VAT1L: variants seen among roughly 807,000 people sequenced by gnomAD.
VAT1L encodes the protein vesicle amine transport 1 like.
Under a neutral mutation model 44.1 loss-of-function variants are expected in VAT1L, and 34 were observed. That is an observed-to-expected ratio of 0.77 (90% CI 0.59 to 1.03). VAT1L has a LOEUF of 1.03. VAT1L is among the 50% of genes least tolerant of loss of function. The probability of loss-of-function intolerance (pLI) is 0.00; values close to 1 mark genes in which losing one functional copy is unlikely to be tolerated. For synonymous variants in VAT1L, 253 were observed against 202.2 expected (o/e 1.25, Z -2.13); for missense variants, 615 against 538.8 (o/e 1.14, Z -1.40).
intron 1 of VAT1L, among the ~76,000 whole-genome samples, chr16:77,811,064 C>G (rs992787531): frequency 1.3e-5 from 2 of 152,166 alleles, no homozygotes; most frequent in African/African-American, 4.8e-5. Context: ...GCTCTATAAT[C>G]TGCATCAATA....
chr16:77,973,305 G>C (rs1402773015), intron 8 of VAT1L, among the ~76,000 whole-genome samples: 1 of 152,004 alleles, frequency 6.6e-6, no homozygotes, highest in East Asian at 1.9e-4. Flanking sequence ...CTTTTTTTGA[G>C]ATGGAGTCTC....
At chr16:77,877,306 C>T (rs991786048) in intron 5 of VAT1L, among the ~76,000 whole-genome samples, 1 of 151,806 alleles carries the variant, frequency 6.6e-6, no homozygotes, top group African/African-American at 2.4e-5. Context: ...GTCAGGAGAT[C>T]GAGACCATCC....
At chr16:77,848,374 A>G (rs1472269906) in intron 3 of VAT1L, among the ~76,000 whole-genome samples, 2 of 152,158 alleles carry the variant, frequency 1.3e-5, no homozygotes, top group Non-Finnish European at 2.9e-5. Flanking sequence ...AGGTCCTAAG[A>G]GTCTCCAGAG....
Position 77,788,773 on chromosome 16 carries a change from G to C in VAT1L, c.91G>C (p.Asp31His). 2 of 1,562,976 alleles carry C rather than the reference G, an allele frequency of 1.3e-6. No homozygotes were observed. Among genetic ancestry groups the C allele is most frequent in the Non-Finnish European group, 8.7e-7 (1 of 1,154,152 alleles). Residue 31 changes from aspartate to histidine, a missense_variant, in exon 1 of 9, where the codon GAC becomes CAC. Asp to His is a moderately conservative substitution (Grantham distance 81). Coordinates refer to ENST00000302536, the MANE Select transcript of VAT1L (RefSeq NM_020927.3). ...GKEPAEGGGG[D>H]GSHRLGDAQE... is the part of the protein sequence containing the mutation. ...GGAGCCGGCGGAGGGCGGCGGCGGC[G>C]ACGGCTCGCACCGCCTCGGGGACGC...
intron 3 of VAT1L, among the ~76,000 whole-genome samples, chr16:77,843,815 A>G (rs759280494): frequency 6.6e-6 from 1 of 152,186 alleles, no homozygotes; most frequent in Non-Finnish European, 1.5e-5. Flanking sequence ...CTCCCCAGCC[A>G]TGCGACCCCA....
rs1433503462 is a variant in VAT1L, at chr16:77,851,337, T to TA, written c.580-11410dup. On this transcript the variant is annotated intron_variant, in intron 3 of 8. Coordinates refer to ENST00000302536, the MANE Select transcript of VAT1L (RefSeq NM_020927.3). Reference sequence around the variant, plus strand: ...AACCGAAGACCATAACATGGAATGATACAGTCTTTAGAGTAAGAAGAGCAG... The same window carrying TA: ...AACCGAAGACCATAACATGGAATGATAACAGTCTTTAGAGTAAGAAGAGCAG... Among the ~76,000 whole-genome samples, 9 of 152,262 alleles carry TA rather than the reference T, an allele frequency of 5.9e-5. 1 individual carries two copies. Among genetic ancestry groups the TA allele is most frequent in the African/African-American group, 2.2e-4 (9 of 41,552 alleles).
chr16:77,945,798 T>C (rs1272037036), intron 7 of VAT1L, among the ~76,000 whole-genome samples: 2 of 30,026 alleles, frequency 6.7e-5, no homozygotes, highest in East Asian at 9.0e-4. Context: ...GTGGCTTGAC[T>C]TTTTTTTTTT....
At chr16:77,870,750 T>A (rs1395623366) in intron 4 of VAT1L, among the ~76,000 whole-genome samples, 3 of 152,232 alleles carry the variant, frequency 2.0e-5, no homozygotes, top group Non-Finnish European at 4.4e-5. Flanking sequence ...CCACACCTTC[T>A]TCGCTTTCAT....
chr16:77,835,963 T>C (rs1222768932), intron 3 of VAT1L, among the ~76,000 whole-genome samples: 1 of 152,020 alleles, frequency 6.6e-6, no homozygotes, highest in Non-Finnish European at 1.5e-5. Context: ...GAGTATGAGC[T>C]CTAAAGTCAG....
chr16:77,919,051 A>G (rs1442181833), intron 7 of VAT1L, among the ~76,000 whole-genome samples: 1 of 152,198 alleles, frequency 6.6e-6, no homozygotes, highest in Non-Finnish European at 1.5e-5. Flanking sequence ...GGCTGTGCCA[A>G]TAGGGGAGAG....
At chr16:77,874,065 T>A (rs2017061819) in intron 4 of VAT1L, among the ~76,000 whole-genome samples, 2 of 151,970 alleles carry the variant, frequency 1.3e-5, no homozygotes, top group South Asian at 4.2e-4. Context: ...TGGGAGAGAA[T>A]GTGGCCCGCC....
chr16:77,962,547 G>C (rs2018171800), intron 7 of VAT1L, among the ~76,000 whole-genome samples: 1 of 150,898 alleles, frequency 6.6e-6, no homozygotes. Context: ...TTATTAGGTG[G>C]CCTCGAGTAT....
chr16:77,799,561 T>C (rs1381169640), intron 1 of VAT1L, among the ~76,000 whole-genome samples: 1 of 136,446 alleles, frequency 7.3e-6, no homozygotes, highest in Non-Finnish European at 1.6e-5. Flanking sequence ...GTGTGTGGTG[T>C]GTATTGGGGG....
chr16:77,936,801 G>C (rs1463532861), intron 7 of VAT1L, among the ~76,000 whole-genome samples: 1 of 152,172 alleles, frequency 6.6e-6, no homozygotes, highest in Non-Finnish European at 1.5e-5. Context: ...GGGAGCAAGG[G>C]TTAGGGAGCA....
At chr16:77,819,780 C>G (rs1296101482) in intron 2 of VAT1L, among the ~76,000 whole-genome samples, 1 of 152,234 alleles carries the variant, frequency 6.6e-6, no homozygotes, top group African/African-American at 2.4e-5. Context: ...CCCCAGTTTC[C>G]TCCTTAGACA....
chr16:77,892,995 C>T (rs757301723), intron 7 of VAT1L: 44 of 653,714 alleles, frequency 6.7e-5, no homozygotes, highest in Admixed American at 1.9e-4. Context: ...CCCATTTGCT[C>T]GCAGTATCCT....
chr16:77,973,796 G>A (rs541983355), intron 8 of VAT1L, among the ~76,000 whole-genome samples: 1 of 151,686 alleles, frequency 6.6e-6, no homozygotes, highest in Non-Finnish European at 1.5e-5. Flanking sequence ...TGCGATCTTG[G>A]CTCACTGCAA....
At chr16:77,910,673 CAAAAAAAA>C (rs3038773) in intron 7 of VAT1L, among the ~76,000 whole-genome samples, 32 of 82,960 alleles carry the variant, frequency 3.9e-4, no homozygotes, top group African/African-American at 1.5e-3. Flanking sequence ...GACTCCTTCT[CAAAAAAAA>C]AAAAAAAAAA....
At position 77,976,892 on chromosome 16, in the gene VAT1L, T is replaced by C. The variant is rs181962243; in HGVS notation, c.1162-705T>C. ...TGTCTTCCCAGAAACTATATTCCAG[T>C]TGGGGGAAGAGAGACCAAAAAGCAG... is the stretch of plus-strand genomic sequence containing the variant. On this transcript the variant is annotated intron_variant, in intron 8 of 8. Coordinates refer to ENST00000302536, the MANE Select transcript of VAT1L (RefSeq NM_020927.3). 2.5e-3 allele frequency among the ~76,000 whole-genome samples: 382 copies of C among 152,226 alleles called. 1 individual carries two copies. Among genetic ancestry groups the C allele is most frequent in the Non-Finnish European group, 4.7e-3 (318 of 68,008 alleles).
Sources: allele counts gnomAD v4.1 joint callset (sites outside exome capture counted in the v4.1 genomes callset), GRCh38; gene constraint gnomAD v4.1.1; transcripts MANE v1.5; gene names NCBI Gene and HGNC (gene_info 2026-07-23, HGNC 2026-07-21).